CDH23: variants seen among roughly 807,000 people sequenced by gnomAD.
The protein encoded by CDH23 is cadherin-23.
In CDH23, 189 loss-of-function variants were observed where a neutral mutation model predicts 317.1. That is an observed-to-expected ratio of 0.60 (90% confidence interval 0.53 to 0.67). The LOEUF is 0.67. Among genes scored for constraint, CDH23 ranks in the 30% least tolerant of loss-of-function variants. CDH23 has a pLI of 0.00. For missense variants in CDH23, 4,401 were observed against 4,592.4 expected (o/e 0.96, Z 1.20); for synonymous variants, 1,839 against 1,876.8 (o/e 0.98, Z 0.52).
At chr10:71,813,193 G>A (rs745812772) in intron 68 of CDH23, 51 bp from the exon 69 acceptor site, 36 of 1,497,958 alleles carry the variant, frequency 2.4e-5, no homozygotes, top group Non-Finnish European at 2.8e-5. Context: ...GGCGAGGGGC[G>A]GGGCAGGCAG....
At position 71,730,531 on chromosome 10, in the gene CDH23, C is replaced by A. The variant is rs2132820182; in HGVS notation, c.3642C>A (p.Ser1214Arg). 6.2e-7 allele frequency: 1 copy of A among 1,613,944 alleles called. No individual in the cohort carries two copies. Among genetic ancestry groups the A allele is most frequent in the Non-Finnish European group, 8.5e-7 (1 of 1,179,872 alleles). The change falls in exon 31 of 70, where the codon AGC (serine) becomes AGA (arginine). Residue 1214 changes from serine to arginine, a missense_variant. Ser to Arg is a moderately radical substitution (Grantham distance 110). This residue lies in a region of CDH23 where 3,068 missense variants were observed against 3,203.3 expected (regional missense o/e 0.96). Coordinates refer to ENST00000224721, the MANE Select transcript of CDH23 (RefSeq NM_022124.6). ...CCGTGTTCACACAGCAGCAGTACAG[C>A]CGTCTGGGGCTTCGAGAGACCGCAG... is the stretch of plus-strand genomic sequence containing the variant. The part of the protein sequence containing the change: ...EAPVFTQQQY[S>R]RLGLRETAGI...
intron 6 of CDH23, among the ~76,000 whole-genome samples, chr10:71,550,597 AAGAAAGAAAAGGAAAAG>A (rs1469978059): frequency 6.6e-6 from 1 of 151,316 alleles, no homozygotes; most frequent in Non-Finnish European, 1.5e-5. Context: ...AAAAGAAAGA[AAGAAAGAAAAGGAAAAG>A]AGAAAGAAAA....
rs75714857 is a variant in CDH23 at position 71,617,506 on chromosome 10, C to T, written c.1134+113C>T. On this transcript the variant is annotated intron_variant, in intron 11 of 69. Transcript: ENST00000224721. ...AATAGAAACAAACATTGCGGCACCC[C>T]ACTCCTGGTAGGTTCTGAGGATAAA... 116,303 of 1,518,494 alleles carry T rather than the reference C, an allele frequency of 0.077. 5,257 individuals carry two copies. The highest frequency in any genetic ancestry group is 0.093 in the Non-Finnish European group (105,176 of 1,132,404). The allele number at this position is 1,518,494 out of a possible 1,614,324, so 94.1% of individuals were successfully genotyped here. A position where few individuals can be genotyped will look rare whatever the true frequency, so the allele number is the denominator to read the frequency against.
At chr10:71,763,815 G>A (rs1271981047) in intron 38 of CDH23, among the ~76,000 whole-genome samples, 5 of 152,208 alleles carry the variant, frequency 3.3e-5, no homozygotes, top group African/African-American at 1.2e-4. Flanking sequence ...TGCCTCCTAG[G>A]AGTGAGAAGC....
At chr10:71,756,696 C>A (rs1352960472) in intron 38 of CDH23, among the ~76,000 whole-genome samples, 1 of 152,194 alleles carries the variant, frequency 6.6e-6, no homozygotes, top group African/African-American at 2.4e-5. Flanking sequence ...AGAACCACAA[C>A]CAACATAAAC....
At chr10:71,610,706 A>T (rs115778331) in intron 9 of CDH23, among the ~76,000 whole-genome samples, 2,581 of 115,864 alleles carry the variant, frequency 0.022, 78 homozygotes, top group African/African-American at 0.089. Flanking sequence ...TGCAATCCCC[A>T]CCCCCCGACC....
chr10:71,562,381 G>A (rs1857178506), intron 6 of CDH23, among the ~76,000 whole-genome samples: 1 of 152,212 alleles, frequency 6.6e-6, no homozygotes, highest in Non-Finnish European at 1.5e-5. Flanking sequence ...AAAAGAAGAG[G>A]GAGCTGGCAT....
intron 3 of CDH23, among the ~76,000 whole-genome samples, chr10:71,502,764 A>G (rs757094376): frequency 2.0e-5 from 3 of 152,186 alleles, no homozygotes; most frequent in African/African-American, 7.2e-5. Context: ...GTGTGGCACA[A>G]TGGAAGGTGT....
chr10:71,557,089 C>G (rs1365326567), intron 6 of CDH23, among the ~76,000 whole-genome samples: 1 of 152,194 alleles, frequency 6.6e-6, no homozygotes, highest in African/African-American at 2.4e-5. Flanking sequence ...TTAACATTCA[C>G]TATCCATCCT....
intron 6 of CDH23, among the ~76,000 whole-genome samples, chr10:71,546,236 T>C (rs553761058): frequency 1.5e-4 from 23 of 152,202 alleles, no homozygotes; most frequent in Non-Finnish European, 7.3e-5. Flanking sequence ...TTTCAGCAAC[T>C]GTAACTCAGT....
In CDH23 at chr10:71,789,057, C is replaced by G. The variant is rs1275447227; in HGVS notation, c.5923+15C>G. ...CTCTCCCGCTGGTAGGTGCTGGGCC[C>G]ACCCGGGAGCTCCTGCTGTTGCCAG... On this transcript the variant is annotated intron_variant, in intron 45 of 69. Transcript: ENST00000224721. The G allele has an allele frequency of 7.8e-7, 1 of 1,285,490 alleles. No homozygotes were observed. The highest frequency in any genetic ancestry group is 2.3e-5 in the East Asian group (1 of 43,330). 79.6% of individuals were successfully genotyped at this position (1,285,490 alleles called of 1,614,324 possible). A position where few individuals can be genotyped will look rare whatever the true frequency, so the allele number is the denominator to read the frequency against.
At chr10:71,492,637 C>A (rs1177100842) in intron 3 of CDH23, among the ~76,000 whole-genome samples, 5 of 152,174 alleles carry the variant, frequency 3.3e-5, no homozygotes, top group Non-Finnish European at 5.9e-5. Context: ...TTCATCCATT[C>A]ATCCATCATT....
Position 71,675,171 on chromosome 10 carries a change from T to C in CDH23, c.1509T>C (p.Pro503=). 1.2e-6 allele frequency: 2 copies of C among 1,613,708 alleles called. No homozygotes were observed. Among genetic ancestry groups the C allele is most frequent in the East Asian group, 2.2e-5 (1 of 44,890 alleles). ...GEVSYFFSDD[P]DRFSLDKDTG... ...TCAGCTACTTCTTCAGTGATGACCC[T>C]GACAGGTGAGACTCTGCCCACAGCC... Residue 503 remains proline, a synonymous_variant, in exon 15 of 70, where the codon CCT becomes CCC. Coordinates refer to ENST00000224721, the MANE Select transcript of CDH23 (RefSeq NM_022124.6).
At chr10:71,662,839 C>T (rs1013018020) in intron 14 of CDH23, among the ~76,000 whole-genome samples, 5 of 152,184 alleles carry the variant, frequency 3.3e-5, no homozygotes, top group Admixed American at 2.6e-4. Flanking sequence ...ATGTATTCTC[C>T]TGCAGCTCTG....
At chr10:71,599,404 CATTTATTTTATT>C (rs1860070231) in intron 9 of CDH23, among the ~76,000 whole-genome samples, 1 of 152,160 alleles carries the variant, frequency 6.6e-6, no homozygotes. Context: ...ATTGAGGAAT[CATTTATTTTATT>C]TAGGGTGAAA....
At chr10:71,425,235 GAGAGAGAGAGA>G (rs1849009261) in intron 1 of CDH23, among the ~76,000 whole-genome samples, 1 of 50,324 alleles carries the variant, frequency 2.0e-5, no homozygotes, top group African/African-American at 2.3e-4. Context: ...GAGAGAGGGA[GAGAGAGAGAGA>G]GAGAGAGAGA....
At chr10:71,436,842 T>G (rs574367300) in intron 1 of CDH23, among the ~76,000 whole-genome samples, 1 of 152,250 alleles carries the variant, frequency 6.6e-6, no homozygotes, top group Non-Finnish European at 1.5e-5. Flanking sequence ...GGGCTGGAGT[T>G]TTTTCTGTAG....
rs566484438 is a variant in CDH23, at chr10:71,527,636, G to A, written c.429+16424G>A. 3.2e-4 allele frequency among the ~76,000 whole-genome samples: 48 copies of A among 152,314 alleles called. No individual in the cohort carries two copies. In the South Asian group the frequency reaches 5.2e-3, roughly 16 times the overall value. On this transcript the variant is annotated intron_variant, in intron 6 of 69. Transcript: ENST00000224721. ...CCCATGCCTGGGGTGGTTTAGAGGT[G>A]TTCCATCTTGAATATAGCAGAGAAG...
chr10:71,428,165 A>T (rs1849198601), intron 1 of CDH23, among the ~76,000 whole-genome samples: 1 of 130,928 alleles, frequency 7.6e-6, no homozygotes, highest in Non-Finnish European at 1.6e-5. Flanking sequence ...TTTGAAACAG[A>T]GTCTCATTGT....
Sources: allele counts gnomAD v4.1 joint callset (sites outside exome capture counted in the v4.1 genomes callset), GRCh38; gene constraint gnomAD v4.1.1; regional missense constraint gnomAD v4.1.1; transcripts MANE v1.5; gene names NCBI Gene and HGNC (gene_info 2026-07-23, HGNC 2026-07-21).